The following DOK1 variants were observed in gnomAD, a reference collection of about 807,000 sequenced individuals.
DOK1 encodes the protein Downstream of tyrosine kinase 1.
Under a neutral mutation model 24.0 loss-of-function variants are expected in DOK1, and 12 were observed. The observed-to-expected ratio is 0.50, with a 90% CI of 0.32 to 0.81. The LOEUF (loss-of-function observed/expected upper bound fraction) is 0.81, where lower values mean the gene tolerates loss of function less well. Ranked by LOEUF, DOK1 falls within the 30% of genes least tolerant of loss-of-function variation. DOK1 has a pLI of 0.03. For missense variants in DOK1, 591 were observed against 620.7 expected, an observed-to-expected ratio of 0.95 and a Z score of 0.51; for synonymous variants, 250 against 260.9, an observed-to-expected ratio of 0.96 and a Z score of 0.40.
In DOK1 at chr2:74,556,290, C is replaced by T; in HGVS notation, c.640-18C>T. 2 of 1,603,226 alleles carry T rather than the reference C, an allele frequency of 1.2e-6. No individual in the cohort carries two copies. The highest frequency in any genetic ancestry group is 1.3e-5 in the African/African-American group (1 of 74,806). On this transcript the variant is annotated intron_variant, in intron 4 of 4. Coordinates refer to ENST00000233668, the MANE Select transcript of DOK1 (RefSeq NM_001381.5). This position sits in a 1 kb window ranked among gnomAD's most constrained non-coding sequence, Gnocchi z 4.1. ...CTGATGGCTCCTGGTAATGTGTTTC[C>T]CCCTCTACCCTCCTTAGGTCATGTT...
upstream of DOK1, among the ~76,000 whole-genome samples, chr2:74,551,768 A>C (rs1677028690): frequency 1.3e-5 from 2 of 152,276 alleles, no homozygotes; most frequent in Admixed American, 6.5e-5. Context: ...CTGTGGGTTC[A>C]TACCATGGGC....
upstream of DOK1, among the ~76,000 whole-genome samples, chr2:74,553,647 G>GCC (rs1558633436): frequency 6.6e-6 from 1 of 152,174 alleles, no homozygotes; most frequent in Non-Finnish European, 1.5e-5. Flanking sequence ...TCCCGGAGGA[G>GCC]CCCCCTCCCT....
At position 74,555,381 on chromosome 2, in the gene DOK1, C is replaced by G. The variant is rs1677364016; in HGVS notation, c.288C>G (p.Arg96=). 41 of 1,612,950 alleles carry G rather than the reference C, an allele frequency of 2.5e-5. No homozygotes were observed. Among genetic ancestry groups the G allele is most frequent in the Non-Finnish European group, 3.4e-5 (40 of 1,179,762 alleles). ...CCTTCCGCCTGGACACTGCTCAGCG[C>G]TCGCACCTGCTGGCGGCCGACGCGC... The part of the protein sequence containing the change: ...ATAFRLDTAQ[R]SHLLAADAPS... The change falls in exon 2 of 5, where the codon CGC becomes CGG. Residue 96 remains arginine, a synonymous_variant. Transcript: ENST00000233668. This position sits in a 1 kb window ranked among gnomAD's most constrained non-coding sequence, Gnocchi z 6.1.
upstream of DOK1, chr2:74,554,404 CTTT>C: frequency 3.0e-5 from 9 of 295,746 alleles, no homozygotes; most frequent in South Asian, 9.5e-5. The surrounding 1 kb of genome is among the most constrained non-coding windows in gnomAD (Gnocchi z 4.9). Flanking sequence ...GCCCGGGGCG[CTTT>C]CGGGGTGATG....
At position 74,554,951 on chromosome 2, in the gene DOK1, T is replaced by C. The variant is rs1432121257; in HGVS notation, c.60+137T>C. 1.4e-6 allele frequency: 2 copies of C among 1,470,568 alleles called. No homozygotes were observed. The highest frequency in any genetic ancestry group is 3.9e-5 in the Admixed American group (2 of 50,992). The allele number at this position is 1,470,568 out of a possible 1,614,324, so 91.1% of individuals were successfully genotyped here. A position where few individuals can be genotyped will look rare whatever the true frequency, so the allele number is the denominator to read the frequency against. ...CCTGTGACTTTCCCGTGAAGTTGCT[T>C]TGCACACTCCCGGGAAGCGTCTGTA... On this transcript the variant is annotated intron_variant, in intron 1 of 4. Transcript: ENST00000233668. This position sits in a 1 kb window ranked among gnomAD's most constrained non-coding sequence, Gnocchi z 4.9.
chr2:74,556,977 A>T lies in DOK1; in HGVS notation c.1309A>T (p.Thr437Ser), dbSNP rs1677523282. ...GPAFPEPGTATGSGIKSHNSA... is the reference protein window; with the variant it reads ...GPAFPEPGTASGSGIKSHNSA... ...AGCCTTCCCTGAACCTGGTACTGCA[A>T]CTGGCAGTGGCATCAAAAGCCACAA... The change falls in exon 5 of 5, where the codon ACT (threonine) becomes TCT (serine). Residue 437 changes from threonine to serine, a missense_variant. Coordinates refer to ENST00000233668, the MANE Select transcript of DOK1 (RefSeq NM_001381.5). This position sits in a 1 kb window ranked among gnomAD's most constrained non-coding sequence, Gnocchi z 4.1. The T allele has an allele frequency of 6.2e-7, 1 of 1,614,078 alleles. No individual in the cohort carries two copies. The highest frequency in any genetic ancestry group is 8.5e-7 in the Non-Finnish European group (1 of 1,180,046).
upstream of DOK1, chr2:74,552,904 A>G: frequency 2.3e-6 from 1 of 437,282 alleles, no homozygotes; most frequent in Non-Finnish European, 4.1e-6. Context: ...CGAGAGTCAG[A>G]GAAGGGTCAA....
chr2:74,549,326 C>T lies in DOK1; in HGVS notation c.-358+154C>T, dbSNP rs1334211054. On this transcript the variant is annotated intron_variant, in intron 1 of 4. Transcript: ENST00000409429. This position sits in a 1 kb window ranked among gnomAD's most constrained non-coding sequence, Gnocchi z 5.3. ...TCCCAAGGCTATTCATCAGGGAGCA[C>T]CCCAATCCCGGCCTGCTCCGCCCGG... The T allele has an allele frequency of 2.6e-6, 4 of 1,522,756 alleles. No individual in the cohort carries two copies. The highest frequency in any genetic ancestry group is 3.5e-6 in the Non-Finnish European group (4 of 1,130,306). 94.3% of individuals were successfully genotyped at this position (1,522,756 alleles called of 1,614,324 possible). A position where few individuals can be genotyped will look rare whatever the true frequency, so the allele number is the denominator to read the frequency against.
rs1356928700 is a variant in DOK1, at chr2:74,549,161, T to A, written c.-369T>A. ...CACGAGAGAGCGGGAGCCTCGCTGG[T>A]CCCCATTTCAGGTACTCCCTTGGGG... On this transcript the variant is annotated 5_prime_UTR_variant, in exon 1 of 5. Coordinates refer to the DOK1 transcript ENST00000409429. This position sits in a 1 kb window ranked among gnomAD's most constrained non-coding sequence, Gnocchi z 5.3. The A allele has an allele frequency of 9.3e-5, 43 of 464,082 alleles. No individual in the cohort carries two copies. The highest frequency in any genetic ancestry group is 7.2e-6 in the Non-Finnish European group (2 of 276,366). The allele number at this position is 464,082 out of a possible 1,614,324, so 28.7% of individuals were successfully genotyped here. A position where few individuals can be genotyped will look rare whatever the true frequency, so the allele number is the denominator to read the frequency against.
At chr2:74,553,321 G>A (rs1002131803), upstream of DOK1, among the ~76,000 whole-genome samples, 3 of 152,154 alleles carry the variant, frequency 2.0e-5, no homozygotes, top group South Asian at 4.1e-4. Context: ...ACCAAAGCTC[G>A]CCTGGAGAAC....
At chr2:74,551,263 C>T (rs1169831905), upstream of DOK1, among the ~76,000 whole-genome samples, 1 of 152,244 alleles carries the variant, frequency 6.6e-6, no homozygotes, top group African/African-American at 2.4e-5. Context: ...CTGGCTTCCT[C>T]TCAGAATTGG....
chr2:74,557,105 C>T lies in DOK1; in HGVS notation c.1437C>T (p.Gly479=), dbSNP rs377028564. The T allele has an allele frequency of 2.7e-5, 44 of 1,605,538 alleles. No individual in the cohort carries two copies. Among genetic ancestry groups the T allele is most frequent in the Non-Finnish European group, 3.6e-5 (42 of 1,174,006 alleles). ...ACAAGACTGGGGTCAAGTCAGAGGGCTCTACCTGAGAAGGACGGCAAGGCT... is the reference window on the plus strand; with the variant it reads ...ACAAGACTGGGGTCAAGTCAGAGGGTTCTACCTGAGAAGGACGGCAAGGCT... ...GTDKTGVKSE[G]ST is the part of the protein sequence containing the mutation. The change falls in exon 5 of 5, where the codon GGC becomes GGT. Residue 479 remains glycine (G), a synonymous_variant. Coordinates refer to ENST00000233668, the MANE Select transcript of DOK1 (RefSeq NM_001381.5).
At position 74,554,774 on chromosome 2, in the gene DOK1, A is replaced by T; in HGVS notation, c.20A>T (p.Glu7Val). 1 of 1,613,956 alleles carries T rather than the reference A, an allele frequency of 6.2e-7. No individual in the cohort carries two copies. ...GGGGCCATGGACGGAGCAGTGATGG[A>T]AGGGCCGCTTTTTTTGCAGAGTCAG... Reference protein sequence around the residue: MDGAVMEGPLFLQSQRF... With the variant: MDGAVMVGPLFLQSQRF... The change falls in exon 1 of 5, where the codon GAA becomes GTA. Residue 7 changes from glutamate (E) to valine (V), a missense_variant. By Grantham distance (121) the Glu-to-Val change is moderately radical. Transcript: ENST00000233668. This position sits in a 1 kb window ranked among gnomAD's most constrained non-coding sequence, Gnocchi z 4.9.
chr2:74,555,664 G>C lies in DOK1; in HGVS notation c.450G>C (p.Trp150Cys), dbSNP rs1266228269. Reference sequence around the variant, plus strand: ...AGAACTCCTTGTACAGCCCTACCTGGGAAGGTAGACGCCTCAGAAGCCCGG... The same window carrying C: ...AGAACTCCTTGTACAGCCCTACCTGCGAAGGTAGACGCCTCAGAAGCCCGG... ...MLENSLYSPT[W>C]EGSQFWVTVQ... The change falls in exon 3 of 5, where the codon TGG (tryptophan) becomes TGC (cysteine). Residue 150 changes from tryptophan (W) to cysteine (C), a missense_variant. Physicochemically the swap from Trp to Cys is radical, Grantham distance 215 (BLOSUM62 -2). Coordinates refer to ENST00000233668, the MANE Select transcript of DOK1 (RefSeq NM_001381.5). The surrounding 1 kb of genome is among the most constrained non-coding windows in gnomAD (Gnocchi z 6.1). The C allele has an allele frequency of 1.2e-6, 2 of 1,613,968 alleles. No individual in the cohort carries two copies. The highest frequency in any genetic ancestry group is 1.7e-6 in the Non-Finnish European group (2 of 1,179,978).
rs751115677 is a variant in DOK1, at chr2:74,556,687, T to C, written c.1019T>C (p.Leu340Ser). The C allele has an allele frequency of 4.3e-6, 7 of 1,614,184 alleles. No homozygotes were observed. The highest frequency in any genetic ancestry group is 5.9e-6 in the Non-Finnish European group (7 of 1,180,028). ...CGGAAGAAACCTCTCTATTGGGACTTGTATGAGCATGCGCAGCAGCAGTTG... is the reference window on the plus strand; with the variant it reads ...CGGAAGAAACCTCTCTATTGGGACTCGTATGAGCATGCGCAGCAGCAGTTG... Reference protein sequence around the residue: ...VQRKKPLYWDLYEHAQQQLLK... With the variant: ...VQRKKPLYWDSYEHAQQQLLK... Residue 340 changes from leucine (L) to serine (S), a missense_variant, in exon 5 of 5, where the codon TTG (leucine) becomes TCG (serine). Physicochemically the swap from Leu to Ser is moderately radical, Grantham distance 145. Transcript: ENST00000233668. This position sits in a 1 kb window ranked among gnomAD's most constrained non-coding sequence, Gnocchi z 4.1.
Position 74,549,583 on chromosome 2 carries a change from C to G in DOK1, c.-358+411C>G, listed in dbSNP as rs559018104. ...TCCTCCACTTGCAGGTGATGCTCTA[C>G]CTGGGGGCGGGGCCACAAGCAGGGA... On this transcript the variant is annotated intron_variant, in intron 1 of 4. Transcript: ENST00000409429. The surrounding 1 kb of genome is among the most constrained non-coding windows in gnomAD (Gnocchi z 5.3). The G allele has an allele frequency of 6.2e-7, 1 of 1,602,842 alleles. No individual in the cohort carries two copies. Among genetic ancestry groups the G allele is most frequent in the East Asian group, 2.2e-5 (1 of 44,496 alleles).
chr2:74,555,103 G>C lies in DOK1; in HGVS notation c.61-51G>C. The C allele has an allele frequency of 6.4e-7, 1 of 1,561,514 alleles. No individual in the cohort carries two copies. The highest frequency in any genetic ancestry group is 8.7e-7 in the Non-Finnish European group (1 of 1,154,064). The stretch of plus-strand genomic sequence containing the variant: ...GCAACCTCCTTCCCCGTCGGGACCC[G>C]GGCCGCCTGCGCACGCCACTCCCTC... On this transcript the variant is annotated intron_variant, in intron 1 of 4. Coordinates refer to ENST00000233668, the MANE Select transcript of DOK1 (RefSeq NM_001381.5). The surrounding 1 kb of genome is among the most constrained non-coding windows in gnomAD (Gnocchi z 6.1).
In DOK1 at chr2:74,557,163, A is replaced by C; in HGVS notation, c.*49A>C. 3 of 1,548,912 alleles carry C rather than the reference A, an allele frequency of 1.9e-6. No individual in the cohort carries two copies. The highest frequency in any genetic ancestry group is 2.2e-4 in the Middle Eastern group (1 of 4,450). ...CTAAGGGGGACCATGGGGAGGTGGC[A>C]CTAGGGATCAAAGAAGATGGTTAGA... On this transcript the variant is annotated 3_prime_UTR_variant, in exon 5 of 5. Transcript: ENST00000233668.
chr2:74,554,584 G>A, upstream of DOK1: 1 of 636,916 alleles, frequency 1.6e-6, no homozygotes, highest in Non-Finnish European at 2.7e-6. The surrounding 1 kb of genome is among the most constrained non-coding windows in gnomAD (Gnocchi z 4.9). Flanking sequence ...CGGCTAATCC[G>A]GGGGTCTCCA....
Sources: gnomAD v4.1 joint callset for allele counts (sites outside exome capture counted in the v4.1 genomes callset) on GRCh38, gnomAD v4.1.1 for gene constraint, Gnocchi (gnomAD v3.1) non-coding constraint, MANE v1.5 for transcripts, NCBI Gene and HGNC (gene_info 2026-07-23, HGNC 2026-07-21) for gene names.